Variants in CFAP96 observed in about 807,000 individuals in gnomAD.
CFAP96 encodes cilia-and flagella-associated protein 96.
At chr4:185,415,558 C>T in the CFAP96 span, 8 of 801,982 alleles carry the variant, frequency 1.0e-5, no homozygotes, top group Admixed American at 1.0e-4. Context: ...TACCCTACTT[C>T]CTCCAAATAA....
chr4:185,414,483 G>A, the CFAP96 span, among the ~76,000 whole-genome samples: 1 of 152,126 alleles, frequency 6.6e-6, no homozygotes, highest in Non-Finnish European at 1.5e-5. Flanking sequence ...GGTTTTAAAA[G>A]ATCAGCTCCT....
the CFAP96 span, among the ~76,000 whole-genome samples, chr4:185,443,738 A>AT: frequency 6.6e-6 from 1 of 151,794 alleles, no homozygotes; most frequent in African/African-American, 2.4e-5. Flanking sequence ...CTATGAACTT[A>AT]TTTTTTAAAG....
the CFAP96 span, among the ~76,000 whole-genome samples, chr4:185,438,491 T>C: frequency 0.08 from 12,253 of 152,270 alleles, 584 homozygotes; most frequent in South Asian, 0.14. Flanking sequence ...ATATAGTTAC[T>C]GTCTTAATGC....
chr4:185,449,574 T>A, the CFAP96 span: 1 of 1,466,950 alleles, frequency 6.8e-7, no homozygotes, highest in Non-Finnish European at 9.3e-7. Context: ...AAAATTAATG[T>A]GTGTTTATTT....
At chr4:185,416,370 A>G in the CFAP96 span, among the ~76,000 whole-genome samples, 4 of 152,262 alleles carry the variant, frequency 2.6e-5, no homozygotes, top group African/African-American at 7.2e-5. Context: ...TTTTAAACAT[A>G]TAACTATATA....
chr4:185,446,785 TA>T, the CFAP96 span, among the ~76,000 whole-genome samples: 29 of 152,238 alleles, frequency 1.9e-4, 1 homozygote, highest in East Asian at 3.3e-3. Context: ...GTGTTTTCTA[TA>T]AAAAAAATTG....
the CFAP96 span, among the ~76,000 whole-genome samples, chr4:185,443,943 T>C: frequency 2.0e-4 from 15 of 73,812 alleles, no homozygotes; most frequent in African/African-American, 7.9e-4. Flanking sequence ...TTTTTTTTTT[T>C]TTTTTTTTTT....
chr4:185,439,762 CAT>C, the CFAP96 span, among the ~76,000 whole-genome samples: 7 of 146,410 alleles, frequency 4.8e-5, no homozygotes, highest in East Asian at 1.4e-3. Context: ...CTCATATATA[CAT>C]ATATGTATCT....
the CFAP96 span, among the ~76,000 whole-genome samples, chr4:185,415,554 A>G: frequency 6.6e-6 from 1 of 152,212 alleles, no homozygotes; most frequent in African/African-American, 2.4e-5. Flanking sequence ...ATGCTACCCT[A>G]CTTCCTCCAA....
At chr4:185,428,316 G>A in the CFAP96 span, among the ~76,000 whole-genome samples, 5 of 152,156 alleles carry the variant, frequency 3.3e-5, no homozygotes, top group South Asian at 2.1e-4. Context: ...GCTCATGCCT[G>A]TAATCCCAGC....
At chr4:185,427,379 T>C in the CFAP96 span, among the ~76,000 whole-genome samples, 6 of 152,356 alleles carry the variant, frequency 3.9e-5, no homozygotes, top group South Asian at 1.2e-3. Context: ...CTTGCCCCTT[T>C]GGTGTTACGT....
At chr4:185,434,951 G>A in the CFAP96 span, among the ~76,000 whole-genome samples, 1 of 152,032 alleles carries the variant, frequency 6.6e-6, no homozygotes, top group African/African-American at 2.4e-5. Flanking sequence ...ATGTTGGCCA[G>A]GCTGGTCTCA....
the CFAP96 span, among the ~76,000 whole-genome samples, chr4:185,441,305 T>G: frequency 6.6e-6 from 1 of 152,202 alleles, no homozygotes; most frequent in Non-Finnish European, 1.5e-5. Flanking sequence ...GTCAATACTT[T>G]TTTTTTCTGT....
chr4:185,424,224 T>A, the CFAP96 span, among the ~76,000 whole-genome samples: 1 of 151,844 alleles, frequency 6.6e-6, no homozygotes, highest in African/African-American at 2.4e-5. Flanking sequence ...GAGGACTGCT[T>A]GGGCCGGGGA....
chr4:185,426,542 C>G, the CFAP96 span: 2 of 152,428 alleles, frequency 1.3e-5, no homozygotes, highest in Admixed American at 6.5e-5. Context: ...CCATCCGTAC[C>G]TTTTGCAAGG....
the CFAP96 span, among the ~76,000 whole-genome samples, chr4:185,425,629 T>A: frequency 1.3e-5 from 2 of 152,180 alleles, no homozygotes; most frequent in African/African-American, 4.8e-5. Context: ...CACAGAGAAG[T>A]AGCAGGGGGT....
the CFAP96 span, among the ~76,000 whole-genome samples, chr4:185,438,039 G>A: frequency 3.3e-5 from 5 of 151,586 alleles, no homozygotes; most frequent in African/African-American, 1.2e-4. Flanking sequence ...TAAGCAGTTT[G>A]ATTATGATGT....
the CFAP96 span, among the ~76,000 whole-genome samples, chr4:185,430,224 A>G: frequency 6.6e-6 from 1 of 152,354 alleles, no homozygotes; most frequent in South Asian, 2.1e-4. Flanking sequence ...GTCATAAATA[A>G]TAAAAAGAGC....
At chr4:185,423,135 A>G in the CFAP96 span, among the ~76,000 whole-genome samples, 1 of 152,234 alleles carries the variant, frequency 6.6e-6, no homozygotes, top group African/African-American at 2.4e-5. Flanking sequence ...CTGGGATTGC[A>G]GGCGTGAGCC....
Sources: gnomAD v4.1 joint callset for allele counts (sites outside exome capture counted in the v4.1 genomes callset) on GRCh38, gnomAD v4.1.1 for gene constraint, MANE v1.5 for transcripts, NCBI Gene and HGNC (gene_info 2026-07-23, HGNC 2026-07-21) for gene names.